POLR2F: variants seen among roughly 807,000 people sequenced by gnomAD.
The protein encoded by POLR2F is RNA polymerase II, I and III subunit F.
In POLR2F, 12 loss-of-function variants were observed where a neutral mutation model predicts 22.7. That is an observed-to-expected ratio of 0.53 (90% CI 0.34 to 0.86). The LOEUF is 0.86. Among genes scored for constraint, POLR2F ranks in the 40% least tolerant of loss-of-function variants. The pLI is 0.02. For missense variants in POLR2F, 126 were observed against 171.5 expected (o/e 0.73, Z 1.48); for synonymous variants, 57 against 66.0 (o/e 0.86, Z 0.66).
At chr22:38,039,108 C>T (rs1245328965) in intron 5 of POLR2F, among the ~76,000 whole-genome samples, 1 of 152,228 alleles carries the variant, frequency 6.6e-6, no homozygotes, top group Non-Finnish European at 1.5e-5. Context: ...AGCGGCTCCC[C>T]TCTGACGACT....
In POLR2F at chr22:37,974,880, C is replaced by T. The variant is rs1238707357; in HGVS notation, c.293+7710C>T. ...CTACTGTCTTCCTTGCTGAGCCTCG[C>T]TCGCCCAGGCTCCTGAGTGCTCTGT... On this transcript the variant is annotated intron_variant, in intron 4 of 4. Coordinates refer to the POLR2F transcript ENST00000405557. This position sits in a 1 kb window ranked among gnomAD's most constrained non-coding sequence, Gnocchi z 5.4. Among the ~76,000 whole-genome samples the T allele has an allele frequency of 6.6e-6, 1 of 152,198 alleles. No homozygotes were observed. Among genetic ancestry groups the T allele is most frequent in the Non-Finnish European group, 1.5e-5 (1 of 68,034 alleles).
intron 1 of POLR2F, among the ~76,000 whole-genome samples, chr22:37,996,765 A>G (rs1178162483): frequency 6.6e-6 from 1 of 152,198 alleles, no homozygotes; most frequent in African/African-American, 2.4e-5. Flanking sequence ...TCATCTGCCA[A>G]TGTGGTCCAA....
At chr22:37,976,669 T>A (rs564192543) in intron 4 of POLR2F, among the ~76,000 whole-genome samples, 1 of 152,136 alleles carries the variant, frequency 6.6e-6, no homozygotes, top group Admixed American at 6.5e-5. Context: ...ATCAGTAAAA[T>A]GAGAGTAACT....
chr22:37,956,417 ATTTTTC>A (rs1931401505), intron 1 of POLR2F, among the ~76,000 whole-genome samples: 1 of 145,224 alleles, frequency 6.9e-6, no homozygotes, highest in African/African-American at 2.6e-5. Flanking sequence ...TTTTTTTTTA[ATTTTTC>A]TTATTTATTT....
At chr22:38,026,389 C>T in exon 3 of POLR2F, 1 of 487,928 alleles carries the variant, frequency 2.0e-6, no homozygotes, top group Non-Finnish European at 4.2e-6. Flanking sequence ...GCTGTGTGAC[C>T]TGAGACCAGG....
At chr22:38,030,205 C>T (rs958005212), downstream of POLR2F, among the ~76,000 whole-genome samples, 1 of 152,096 alleles carries the variant, frequency 6.6e-6, no homozygotes, top group Admixed American at 6.5e-5. Flanking sequence ...TGAGCAAGAA[C>T]GACTCCCCGA....
At chr22:37,967,499 C>G (rs1184932249) in intron 4 of POLR2F, 126 bp from the exon 5 acceptor site, 2 of 1,484,536 alleles carry the variant, frequency 1.3e-6, no homozygotes, top group East Asian at 4.7e-5. Context: ...ACAAAGTACA[C>G]TCATCAGCCC....
At chr22:37,957,625 G>C (rs1931451815) in intron 2 of POLR2F, among the ~76,000 whole-genome samples, 1 of 152,118 alleles carries the variant, frequency 6.6e-6, no homozygotes, top group African/African-American at 2.4e-5. Context: ...CTTTTCACTT[G>C]AGTCAGATGC....
At chr22:37,992,409 CAG>C (rs1932746060) in intron 1 of POLR2F, among the ~76,000 whole-genome samples, 1 of 150,538 alleles carries the variant, frequency 6.6e-6, no homozygotes, top group African/African-American at 2.4e-5. Flanking sequence ...TTTTTCTAGA[CAG>C]AGTCTCACTC....
downstream of POLR2F, among the ~76,000 whole-genome samples, chr22:38,027,002 G>C (rs1453355093): frequency 6.6e-6 from 1 of 152,176 alleles, no homozygotes; most frequent in Non-Finnish European, 1.5e-5. Flanking sequence ...TGCATGGAGA[G>C]ACAGCGGCTT....
At chr22:38,033,847 C>T (rs1353735775) in intron 5 of POLR2F, among the ~76,000 whole-genome samples, 4 of 152,180 alleles carry the variant, frequency 2.6e-5, no homozygotes, top group Admixed American at 2.6e-4. Flanking sequence ...CTGTCCTGTG[C>T]TCGCTGGGAG....
At chr22:38,026,140 G>A (rs1283731936) in exon 2 of POLR2F, 1 of 533,600 alleles carries the variant, frequency 1.9e-6, no homozygotes, top group South Asian at 1.4e-5. Flanking sequence ...CTGGCCTTCA[G>A]ATGCCTGGTA....
chr22:37,994,605 G>A (rs562577960), intron 1 of POLR2F, among the ~76,000 whole-genome samples: 11 of 152,070 alleles, frequency 7.2e-5, no homozygotes, highest in Admixed American at 2.0e-4. Flanking sequence ...TGCAAGCTCC[G>A]CCCCCCGGGT....
At chr22:38,008,043 C>T (rs2084838259) in intron 1 of POLR2F, among the ~76,000 whole-genome samples, 2 of 151,986 alleles carry the variant, frequency 1.3e-5, no homozygotes, top group South Asian at 4.2e-4. Context: ...AGTTTGAGAC[C>T]AGCCTGGCCA....
At chr22:37,970,005 A>G (rs1931995978), downstream of POLR2F, among the ~76,000 whole-genome samples, 1 of 152,128 alleles carries the variant, frequency 6.6e-6, no homozygotes, top group Non-Finnish European at 1.5e-5. Context: ...TCAAGAGTGG[A>G]GATAATAGCT....
intron 3 of POLR2F, among the ~76,000 whole-genome samples, chr22:37,963,671 C>T (rs191748330): frequency 2.0e-5 from 3 of 152,280 alleles, no homozygotes; most frequent in Middle Eastern, 3.4e-3. Context: ...CTAATATAGG[C>T]TAAAAGTGGC....
upstream of POLR2F, among the ~76,000 whole-genome samples, chr22:37,981,993 T>C (rs1244526562): frequency 6.6e-6 from 1 of 152,202 alleles, no homozygotes; most frequent in Non-Finnish European, 1.5e-5. Context: ...CTGCACCTTC[T>C]ACCACTCTAA....
chr22:37,982,252 C>T (rs5995528), upstream of POLR2F, among the ~76,000 whole-genome samples: 1,457 of 152,268 alleles, frequency 9.6e-3, 32 homozygotes, highest in African/African-American at 0.033. Flanking sequence ...CCTGGCTCTG[C>T]TACCAACTTC....
chr22:38,011,115 T>C (rs2084868149), intron 1 of POLR2F, among the ~76,000 whole-genome samples: 1 of 151,924 alleles, frequency 6.6e-6, no homozygotes, highest in South Asian at 2.1e-4. Flanking sequence ...TGTTTCTTTC[T>C]TTTTGAGACA....
Sources: gnomAD v4.1 joint callset for allele counts (sites outside exome capture counted in the v4.1 genomes callset) on GRCh38, gnomAD v4.1.1 for gene constraint, Gnocchi (gnomAD v3.1) non-coding constraint, MANE v1.5 for transcripts, NCBI Gene and HGNC (gene_info 2026-07-23, HGNC 2026-07-21) for gene names.